The following MYO18B variants were observed in gnomAD, a reference collection of about 807,000 sequenced individuals.
MYO18B encodes myosin XVIIIB.
Under a neutral mutation model 273.0 loss-of-function variants are expected in MYO18B, and 204 were observed. That is an observed-to-expected ratio of 0.75 (90% CI 0.67 to 0.84). MYO18B has a LOEUF of 0.84. Ranked by LOEUF, MYO18B falls within the 40% of genes least tolerant of loss-of-function variation. The pLI, the probability that MYO18B is intolerant of heterozygous loss-of-function variation, is 0.00. For missense variants in MYO18B, 3,212 were observed against 3,287.6 expected (o/e 0.98, Z 0.56); for synonymous variants, 1,330 against 1,305.7 (o/e 1.02, Z -0.40).
intron 34 of MYO18B, among the ~76,000 whole-genome samples, chr22:25,929,201 T>C (rs1219302390): frequency 6.7e-6 from 1 of 148,248 alleles, no homozygotes; most frequent in African/African-American, 2.5e-5. Context: ...AAATATAACA[T>C]AACATCCCCA....
At chr22:25,780,613 AAAAAAAAAAAAAAGAAAG>A (rs2087106393) in intron 9 of MYO18B, among the ~76,000 whole-genome samples, 1 of 140,304 alleles carries the variant, frequency 7.1e-6, no homozygotes, top group Non-Finnish European at 1.6e-5. Flanking sequence ...AAAAAAAAAA[AAAAAAAAAAAAAAGAAAG>A]AAAGAAAATA....
At chr22:26,049,384 G>T in the MYO18B span, among the ~76,000 whole-genome samples, 1 of 152,262 alleles carries the variant, frequency 6.6e-6, no homozygotes, top group African/African-American at 2.4e-5. Flanking sequence ...ATTTTGGAAA[G>T]ATTGAGTGGA....
chr22:26,056,553 G>A, the MYO18B span, among the ~76,000 whole-genome samples: 1 of 152,122 alleles, frequency 6.6e-6, no homozygotes, highest in Non-Finnish European at 1.5e-5. Context: ...CCATCAATTT[G>A]AGCCACAAGA....
intron 11 of MYO18B, 74 bp from the exon 12 acceptor site, chr22:25,797,879 C>T: frequency 6.2e-7 from 1 of 1,605,998 alleles, no homozygotes; most frequent in Non-Finnish European, 8.5e-7. Context: ...AGACGGAGCT[C>T]AGCTTCAAGT....
chr22:26,003,118 C>T, intron 40 of MYO18B, 147 bp from the exon 41 acceptor site: 2 of 706,488 alleles, frequency 2.8e-6, no homozygotes, highest in East Asian at 2.8e-5. Context: ...AAAGGAAGCT[C>T]AGGGAAGGCA....
chr22:25,997,748 C>G (rs937456620), intron 40 of MYO18B, among the ~76,000 whole-genome samples: 1 of 152,032 alleles, frequency 6.6e-6, no homozygotes, highest in African/African-American at 2.4e-5. Flanking sequence ...AGCAGAACCC[C>G]CAGCTCCTGC....
intron 39 of MYO18B, among the ~76,000 whole-genome samples, chr22:25,987,187 C>G (rs1360631445): frequency 1.3e-5 from 2 of 152,170 alleles, no homozygotes; most frequent in Non-Finnish European, 2.9e-5. Flanking sequence ...GGAGAGGGTC[C>G]TCTGAAGATT....
chr22:25,864,155 CAGAG>C (rs201388124), intron 21 of MYO18B, among the ~76,000 whole-genome samples: 14 of 151,852 alleles, frequency 9.2e-5, no homozygotes, highest in Non-Finnish European at 1.5e-4. Context: ...AGAACTACTG[CAGAG>C]AGAGAGAGAC....
intron 14 of MYO18B, among the ~76,000 whole-genome samples, chr22:25,827,503 A>C (rs1450582496): frequency 6.6e-6 from 1 of 152,210 alleles, no homozygotes; most frequent in Non-Finnish European, 1.5e-5. Context: ...CAGTTTTTTC[A>C]GCAGAGCTAA....
intron 25 of MYO18B, among the ~76,000 whole-genome samples, chr22:25,884,403 C>T (rs2091435983): frequency 6.6e-6 from 1 of 152,130 alleles, no homozygotes; most frequent in Non-Finnish European, 1.5e-5. Flanking sequence ...TCCCTAATCC[C>T]CGGGGGAAAT....
intron 39 of MYO18B, among the ~76,000 whole-genome samples, chr22:25,980,057 G>A (rs1437509666): frequency 6.6e-6 from 1 of 152,174 alleles, no homozygotes; most frequent in Non-Finnish European, 1.5e-5. Context: ...CTTGATAAGA[G>A]AGAGAGGACA....
At chr22:25,745,502 C>CAT (rs1555879817) in intron 1 of MYO18B, among the ~76,000 whole-genome samples, 4 of 150,514 alleles carry the variant, frequency 2.7e-5, no homozygotes, top group Non-Finnish European at 5.9e-5. Context: ...CACACACACA[C>CAT]GCACACACAT....
intron 11 of MYO18B, among the ~76,000 whole-genome samples, chr22:25,790,329 C>T (rs1228323650): frequency 6.6e-6 from 1 of 152,220 alleles, no homozygotes; most frequent in Non-Finnish European, 1.5e-5. Flanking sequence ...AGGTTAGTTA[C>T]ATACATTTAC....
intron 16 of MYO18B, 91 bp downstream of exon 16, chr22:25,833,088 C>T (rs1332294485): frequency 8.1e-7 from 1 of 1,236,788 alleles, no homozygotes. Context: ...TACTAGTTGT[C>T]AATGCCGTGT....
At chr22:25,888,123 G>A (rs561963406) in intron 25 of MYO18B, among the ~76,000 whole-genome samples, 28 of 152,290 alleles carry the variant, frequency 1.8e-4, no homozygotes, top group African/African-American at 6.3e-4. Flanking sequence ...AAAATTAGGA[G>A]GAGACCCTGG....
At position 25,772,653 on chromosome 22, in the gene MYO18B, G is replaced by C. The variant is rs2086765670; in HGVS notation, c.1869+143G>C. On this transcript the variant is annotated intron_variant, in intron 7 of 43. Coordinates refer to ENST00000335473, the MANE Select transcript of MYO18B (RefSeq NM_032608.7). ...AGCAGCATCCTTCTCGCGGCATTGT[G>C]GCATCCTGTGGCATGGACCATGAGA... 3 of 779,286 alleles carry C rather than the reference G, an allele frequency of 3.8e-6. No homozygotes were observed. The South Asian group carries it at 5.5e-5, about 14-fold the overall frequency. 48.3% of individuals were successfully genotyped at this position (779,286 alleles called of 1,614,324 possible). A position where few individuals can be genotyped will look rare whatever the true frequency, so the allele number is the denominator to read the frequency against.
intron 12 of MYO18B, among the ~76,000 whole-genome samples, chr22:25,816,567 C>G (rs2145855528): frequency 7.3e-6 from 1 of 136,478 alleles, no homozygotes; most frequent in South Asian, 2.6e-4. Context: ...TTGTTCATCT[C>G]CCACCTATGA....
In MYO18B at chr22:25,768,546, C is replaced by T; in HGVS notation, c.630C>T (p.Ala210=). 2 of 1,545,350 alleles carry T rather than the reference C, an allele frequency of 1.3e-6. No individual in the cohort carries two copies. Among genetic ancestry groups the T allele is most frequent in the Middle Eastern group, 1.7e-4 (1 of 5,720 alleles). Residue 210 remains alanine (A), a synonymous_variant, in exon 4 of 44, where the codon GCC becomes GCT. Coordinates refer to ENST00000335473, the MANE Select transcript of MYO18B (RefSeq NM_032608.7). The part of the protein sequence containing the change: ...CGSQASTEIL[A]PKAEKTRTGG... The stretch of plus-strand genomic sequence containing the variant: ...CCCAGGCCAGCACCGAGATCTTGGC[C>T]CCGAAAGCTGAGAAGACCCGGACTG...
the MYO18B span, among the ~76,000 whole-genome samples, chr22:26,050,609 G>A: frequency 6.6e-6 from 1 of 152,156 alleles, no homozygotes; most frequent in African/African-American, 2.4e-5. Flanking sequence ...GGGCACGTAG[G>A]AATATGGAAG....
Sources: gnomAD v4.1 joint callset for allele counts (sites outside exome capture counted in the v4.1 genomes callset) on GRCh38, gnomAD v4.1.1 for gene constraint, MANE v1.5 for transcripts, NCBI Gene and HGNC (gene_info 2026-07-23, HGNC 2026-07-21) for gene names.